The following LAMA2 variants were observed in gnomAD, a reference collection of about 807,000 sequenced individuals.
The protein encoded by LAMA2 is laminin subunit alpha-2.
In LAMA2, 269 loss-of-function variants were observed where a neutral mutation model predicts 364.8. The observed-to-expected ratio is 0.74, with a 90% CI of 0.67 to 0.82. The LOEUF is 0.82. Among genes scored for constraint, LAMA2 ranks in the 40% least tolerant of loss-of-function variants. The pLI, the probability that LAMA2 is intolerant of heterozygous loss-of-function variation, is 0.00. For synonymous variants in LAMA2, 1,379 were observed against 1,370.6 expected (o/e 1.01, Z -0.14); for missense variants, 3,807 against 3,873.2 (o/e 0.98, Z 0.45).
At chr6:129,158,514 C>T in intron 8 of LAMA2, 1 of 1,614,090 alleles carries the variant, frequency 6.2e-7, no homozygotes. Context: ...TAGTGATTTT[C>T]CAACTGGAAT....
At chr6:128,919,092 A>T (rs1487379190) in intron 1 of LAMA2, among the ~76,000 whole-genome samples, 1 of 152,100 alleles carries the variant, frequency 6.6e-6, no homozygotes, top group Non-Finnish European at 1.5e-5. Flanking sequence ...CTCTCCCATC[A>T]CTTTTCACTG....
At chr6:129,343,805 A>G (rs1364360824) in intron 30 of LAMA2, among the ~76,000 whole-genome samples, 2 of 152,184 alleles carry the variant, frequency 1.3e-5, no homozygotes, top group Non-Finnish European at 2.9e-5. Flanking sequence ...ACCACACTTA[A>G]TACTGGAAGC....
At chr6:129,452,544 TC>T (rs1472030555) in intron 45 of LAMA2, among the ~76,000 whole-genome samples, 1 of 152,184 alleles carries the variant, frequency 6.6e-6, no homozygotes, top group Non-Finnish European at 1.5e-5. Context: ...GGTAATTTCC[TC>T]TTGAAAACTA....
Position 129,353,270 on chromosome 6 carries a change from G to C in LAMA2, c.4630G>C (p.Gly1544Arg), listed in dbSNP as rs374207670. Residue 1544 changes from glycine (G) to arginine (R), a missense_variant, in exon 32 of 65, where the codon GGA (glycine) becomes CGA (arginine). Physicochemically the swap from Gly to Arg is moderately radical, Grantham distance 125. Coordinates refer to ENST00000421865, the MANE Select transcript of LAMA2 (RefSeq NM_000426.4). Reference sequence around the variant, plus strand: ...GCCTGTGCCCTGTGACCCTGTCACAGGATTCTGCACGTGCCGACCTGGAGC... The same window carrying C: ...GCCTGTGCCCTGTGACCCTGTCACACGATTCTGCACGTGCCGACCTGGAGC... ...SLPVPCDPVT[G>R]FCTCRPGATG... The C allele has an allele frequency of 6.2e-7, 1 of 1,614,100 alleles. No individual in the cohort carries two copies. Among genetic ancestry groups the C allele is most frequent in the Non-Finnish European group, 8.5e-7 (1 of 1,179,998 alleles).
At chr6:129,044,991 G>T (rs1787373589) in intron 1 of LAMA2, among the ~76,000 whole-genome samples, 1 of 152,052 alleles carries the variant, frequency 6.6e-6, no homozygotes, top group South Asian at 2.1e-4. Flanking sequence ...AATGAAAATG[G>T]GTTGCAATCT....
At chr6:129,223,303 T>A (rs1227920060) in intron 12 of LAMA2, among the ~76,000 whole-genome samples, 3 of 151,988 alleles carry the variant, frequency 2.0e-5, no homozygotes, top group Admixed American at 6.6e-5. Context: ...GCCTGTTCAC[T>A]CTGATGGTAG....
intron 40 of LAMA2, among the ~76,000 whole-genome samples, chr6:129,408,268 T>C (rs1273625391): frequency 6.6e-6 from 1 of 152,176 alleles, no homozygotes; most frequent in Non-Finnish European, 1.5e-5. Flanking sequence ...TGGAGAACTT[T>C]GCCCCAGTCC....
intron 32 of LAMA2, among the ~76,000 whole-genome samples, chr6:129,356,508 T>A (rs1777160851): frequency 6.6e-6 from 1 of 152,106 alleles, no homozygotes; most frequent in South Asian, 2.1e-4. Context: ...CACTGTGTGA[T>A]AAGAGAACTG....
chr6:129,215,497 GCAGAGAGATATATATTT>G (rs1783370430), intron 12 of LAMA2, among the ~76,000 whole-genome samples: 1 of 152,134 alleles, frequency 6.6e-6, no homozygotes, highest in Non-Finnish European at 1.5e-5. Flanking sequence ...GAAGGATGCT[GCAGAGAGATATATATTT>G]CTTAAGCCCA....
chr6:129,087,822 A>G (rs566623817), intron 3 of LAMA2, among the ~76,000 whole-genome samples: 1 of 151,828 alleles, frequency 6.6e-6, no homozygotes, highest in African/African-American at 2.4e-5. Flanking sequence ...AAGTCCCTAG[A>G]GAAGGATAAG....
chr6:128,971,039 C>T (rs1315454897), intron 1 of LAMA2, among the ~76,000 whole-genome samples: 1 of 152,188 alleles, frequency 6.6e-6, no homozygotes, highest in African/African-American at 2.4e-5. Context: ...CCATGCCAGT[C>T]TCTCACTTGA....
At chr6:129,113,360 G>A (rs1234856291) in intron 4 of LAMA2, among the ~76,000 whole-genome samples, 3 of 151,970 alleles carry the variant, frequency 2.0e-5, no homozygotes, top group Non-Finnish European at 4.4e-5. Context: ...GGCAGGAGAT[G>A]GATGTAGTCT....
chr6:129,501,745 T>C (rs78213933), intron 58 of LAMA2, among the ~76,000 whole-genome samples: 4,889 of 152,240 alleles, frequency 0.032, 163 homozygotes, highest in African/African-American at 0.082. Flanking sequence ...TTCTAAGAGA[T>C]GTCATAAGCA....
rs1270843562 is a variant in LAMA2, at chr6:129,206,102, GAGGGAGGAAGGA to G, written c.1782+13253_1782+13264del. 2.8e-3 allele frequency among the ~76,000 whole-genome samples: 284 copies of G among 101,780 alleles called. 1 individual carries two copies. The highest frequency in any genetic ancestry group is 0.01 in the African/African-American group (203 of 19,806). The allele number at this position is 101,780 out of a possible 152,430, so 66.8% of individuals were successfully genotyped here. A position where few individuals can be genotyped will look rare whatever the true frequency, so the allele number is the denominator to read the frequency against. ...GAAAGGAGGAAGGAAGGGAGGGAGG[GAGGGAGGAAGGA>G]AGGAAGGAAGGAAGGAAGGAAGGAA... On this transcript the variant is annotated intron_variant, in intron 12 of 64. Transcript: ENST00000421865.
In LAMA2 at chr6:129,300,743, A is replaced by G. The variant is rs539686301; in HGVS notation, c.3045A>G (p.Glu1015=). Residue 1015 remains glutamate (E), a synonymous_variant, in exon 22 of 65, where the codon GAA becomes GAG. Transcript: ENST00000421865. ...NFQEGGCTAC[E]CSHLGNNCDP... is the part of the protein sequence containing the mutation. ...CCTCTTATACCGGTGAAGCTTGTGA[A>G]TGTTCTCATCTGGGTAATAATTGTG... The G allele has an allele frequency of 6.2e-7, 1 of 1,613,694 alleles. No homozygotes were observed. The highest frequency in any genetic ancestry group is 2.2e-5 in the East Asian group (1 of 44,862).
rs764861651 is a variant in LAMA2 at position 129,453,174 on chromosome 6, A to G, written c.6573+43A>G. The G allele has an allele frequency of 1.0e-5, 16 of 1,557,196 alleles. No homozygotes were observed. In the Admixed American group the frequency reaches 2.5e-4, roughly 24 times the overall value. ...CTTTTCATTAGGCTGCTGTATGTGT[A>G]TAGCTAGAGGTTAATCTGAAAATGT... On this transcript the variant is annotated intron_variant, in intron 46 of 64. Coordinates refer to ENST00000421865, the MANE Select transcript of LAMA2 (RefSeq NM_000426.4).
At chr6:129,435,473 G>C (rs1490767014) in intron 41 of LAMA2, among the ~76,000 whole-genome samples, 1 of 152,124 alleles carries the variant, frequency 6.6e-6, no homozygotes, top group Non-Finnish European at 1.5e-5. Context: ...GATGAATTGT[G>C]ATTGACAGAG....
intron 22 of LAMA2, among the ~76,000 whole-genome samples, chr6:129,310,890 C>A (rs1044629672): frequency 6.6e-6 from 1 of 152,050 alleles, no homozygotes; most frequent in African/African-American, 2.4e-5. Flanking sequence ...AAAACAAACA[C>A]GTCGGAGTTT....
chr6:129,428,027 ATC>A (rs1471728487), intron 41 of LAMA2, among the ~76,000 whole-genome samples, 173 bp downstream of exon 41: 1 of 152,230 alleles, frequency 6.6e-6, no homozygotes, highest in Admixed American at 6.5e-5. Context: ...TTGTCTACCT[ATC>A]TCACTTCAAG....
Sources: allele counts gnomAD v4.1 joint callset (sites outside exome capture counted in the v4.1 genomes callset), GRCh38; gene constraint gnomAD v4.1.1; transcripts MANE v1.5; gene names NCBI Gene and HGNC (gene_info 2026-07-23, HGNC 2026-07-21).